The following BEND4 variants were observed in gnomAD, a reference collection of about 807,000 sequenced individuals.
BEND4 encodes BEN domain-containing protein 4.
A neutral mutation model predicts 54.7 loss-of-function variants in BEND4; 27 were observed. The observed-to-expected ratio is 0.49, with a 90% CI of 0.36 to 0.68. The LOEUF is 0.68. Ranked by LOEUF, BEND4 falls within the 30% of genes least tolerant of loss-of-function variation. BEND4 has a pLI of 0.00. For synonymous variants in BEND4, 327 were observed against 299.5 expected (o/e 1.09, Z -0.95); for missense variants, 702 against 697.2 (o/e 1.01, Z -0.08).
At chr4:42,134,862 T>C (rs996351716) in intron 3 of BEND4, among the ~76,000 whole-genome samples, 2 of 152,158 alleles carry the variant, frequency 1.3e-5, no homozygotes, top group African/African-American at 2.4e-5. Flanking sequence ...TGTTTGACTG[T>C]TCAGGGATTC....
intron 5 of BEND4, among the ~76,000 whole-genome samples, chr4:42,117,965 TA>T (rs2153144397): frequency 6.6e-6 from 1 of 151,922 alleles, no homozygotes; most frequent in Admixed American, 6.6e-5. Flanking sequence ...ATATAGAGGG[TA>T]ATCCCTCTAA....
intron 4 of BEND4, among the ~76,000 whole-genome samples, chr4:42,121,377 TCTC>T (rs916511051): frequency 6.6e-6 from 1 of 152,118 alleles, no homozygotes; most frequent in African/African-American, 2.4e-5. Context: ...GCATTCATAC[TCTC>T]CTCAACAAGC....
Position 42,146,248 on chromosome 4 carries a change from A to C in BEND4, c.488-2254T>G, listed in dbSNP as rs549107738. 4.6e-5 allele frequency among the ~76,000 whole-genome samples: 7 copies of C among 152,354 alleles called. No homozygotes were observed. In the East Asian group the frequency reaches 1.4e-3, roughly 29 times the overall value. ...ATGGTGTCAGATCCTGGAAGTGTGG[A>C]CTGGGACCTCCACATATGTGTATGT... On this transcript the variant is annotated intron_variant, in intron 2 of 5. Transcript: ENST00000502486.
At chr4:42,120,532 T>C (rs1720015543) in intron 4 of BEND4, among the ~76,000 whole-genome samples, 1 of 152,208 alleles carries the variant, frequency 6.6e-6, no homozygotes, top group Non-Finnish European at 1.5e-5. Flanking sequence ...AGGGGAGCTA[T>C]TTATAACTTA....
At chr4:42,121,326 A>T (rs1720051509) in intron 4 of BEND4, among the ~76,000 whole-genome samples, 1 of 152,206 alleles carries the variant, frequency 6.6e-6, no homozygotes, top group East Asian at 1.9e-4. Flanking sequence ...TGCGGCTAGG[A>T]AACCGGCACG....
intron 2 of BEND4, among the ~76,000 whole-genome samples, chr4:42,146,014 G>A (rs899639904): frequency 6.6e-6 from 1 of 152,276 alleles, no homozygotes; most frequent in South Asian, 2.1e-4. Flanking sequence ...GAGTCCACAG[G>A]ACTATTTTCT....
chr4:42,125,342 C>T (rs1286403227), intron 4 of BEND4, among the ~76,000 whole-genome samples: 5 of 152,160 alleles, frequency 3.3e-5, no homozygotes, highest in Non-Finnish European at 7.4e-5. Context: ...GGAAAAATTG[C>T]CCATGCTATT....
chr4:42,123,892 G>A (rs572845695), intron 4 of BEND4, among the ~76,000 whole-genome samples: 1 of 152,212 alleles, frequency 6.6e-6, no homozygotes, highest in East Asian at 1.9e-4. Context: ...GGCCTTTACT[G>A]AAAACAGGAG....
At chr4:42,126,962 T>A (rs1577752008) in intron 3 of BEND4, among the ~76,000 whole-genome samples, 1 of 152,358 alleles carries the variant, frequency 6.6e-6, no homozygotes, top group East Asian at 1.9e-4. Flanking sequence ...ATTTCTTAGC[T>A]GTGTGTTTTC....
At chr4:42,151,512 T>A (rs1721281179) in intron 2 of BEND4, 145 bp downstream of exon 2, 1 of 815,894 alleles carries the variant, frequency 1.2e-6, no homozygotes, top group Non-Finnish European at 1.7e-6. Flanking sequence ...AGTTTCCGGG[T>A]GCGCGGGGAG....
rs1431405060 is a variant in BEND4, at chr4:42,133,778, C to T, written c.1055-8104G>A. Among the ~76,000 whole-genome samples the T allele has an allele frequency of 3.9e-5, 6 of 152,162 alleles. 1 individual carries two copies. The highest frequency in any genetic ancestry group is 4.8e-5 in the African/African-American group (2 of 41,446). On this transcript the variant is annotated intron_variant, in intron 3 of 5. Coordinates refer to ENST00000502486, the MANE Select transcript of BEND4 (RefSeq NM_207406.4). ...GCTGAGGCAGGAGAATGGCATGACC[C>T]GGGAGGTGGAGCTTACAGTGAGCCG...
At chr4:42,144,573 TG>T (rs1280706531) in intron 2 of BEND4, among the ~76,000 whole-genome samples, 2 of 152,208 alleles carry the variant, frequency 1.3e-5, no homozygotes, top group Non-Finnish European at 2.9e-5. Context: ...AGCACAAAAC[TG>T]TATGTGTCTT....
At chr4:42,124,078 T>A (rs1720176582) in intron 4 of BEND4, among the ~76,000 whole-genome samples, 1 of 152,200 alleles carries the variant, frequency 6.6e-6, no homozygotes, top group Non-Finnish European at 1.5e-5. Flanking sequence ...GAAACATAAC[T>A]GGGCACAGGC....
intron 3 of BEND4, among the ~76,000 whole-genome samples, chr4:42,137,861 A>C (rs924329682): frequency 1.3e-5 from 2 of 152,342 alleles, no homozygotes; most frequent in Non-Finnish European, 2.9e-5. Flanking sequence ...ATCATTAATC[A>C]TCAGGGAAAT....
intron 3 of BEND4, among the ~76,000 whole-genome samples, chr4:42,137,698 GA>G (rs1454310841): frequency 2.6e-5 from 4 of 151,368 alleles, no homozygotes; most frequent in African/African-American, 9.7e-5. Context: ...TCTATGGTCT[GA>G]AAAAAAAATT....
rs148664347 is a variant in BEND4, at chr4:42,145,748, T to C, written c.488-1754A>G. 8.4e-3 allele frequency among the ~76,000 whole-genome samples: 1,271 copies of C among 150,426 alleles called. 58 individuals are homozygous for C. The highest frequency in any genetic ancestry group is 0.077 in the Admixed American group (1,169 of 15,162). ...CCCATATAGCACAGTGTTTGGCACA[T>C]AGGAAGCATGCCTTACATCTCCCAA... On this transcript the variant is annotated intron_variant, in intron 2 of 5. Transcript: ENST00000502486.
rs1719713409 is a variant in BEND4 at position 42,114,406 on chromosome 4, T to C, written c.*3112A>G. On this transcript the variant is annotated 3_prime_UTR_variant, in exon 6 of 6. Coordinates refer to ENST00000502486, the MANE Select transcript of BEND4 (RefSeq NM_207406.4). ...TAGTCACCGACAAAAAAGCCACATT[T>C]AGTCTTTGTTGTCAAGCCAGCCCCG... 6.6e-6 allele frequency: 1 copy of C among 152,218 alleles called. No individual in the cohort carries two copies. Among genetic ancestry groups the C allele is most frequent in the Non-Finnish European group, 1.5e-5 (1 of 68,060 alleles). 9.4% of individuals were successfully genotyped at this position (152,218 alleles called of 1,614,324 possible).
rs1343555765 is a variant in BEND4, at chr4:42,120,161, TC to T, written c.1279del (p.Glu427SerfsTer32). On this transcript the variant is annotated frameshift_variant, in exon 5 of 6. Coordinates refer to ENST00000502486, the MANE Select transcript of BEND4 (RefSeq NM_207406.4). LOFTEE classifies it high-confidence loss of function. ...YLIRFVFTTD[E>X]LKYSCGLGKR... ...CCCAAGGCCGCATGAGTACTTAAGCTCATCGGTTGTGAAAACAAATCTGATG... is the reference window on the plus strand; with the variant it reads ...CCCAAGGCCGCATGAGTACTTAAGCTATCGGTTGTGAAAACAAATCTGATG... 1 of 1,613,852 alleles carries T rather than the reference TC, an allele frequency of 6.2e-7. No homozygotes were observed. Among genetic ancestry groups the T allele is most frequent in the Non-Finnish European group, 8.5e-7 (1 of 1,179,892 alleles).
At position 42,117,235 on chromosome 4, in the gene BEND4, C is replaced by T; in HGVS notation, c.*283G>A. The T allele has an allele frequency of 3.6e-6, 1 of 278,126 alleles. No homozygotes were observed. Among genetic ancestry groups the T allele is most frequent in the Non-Finnish European group, 6.6e-6 (1 of 150,826 alleles). 17.2% of individuals were successfully genotyped at this position (278,126 alleles called of 1,614,324 possible). A position where few individuals can be genotyped will look rare whatever the true frequency, so the allele number is the denominator to read the frequency against. ...GAGTTTGAAGATTTCAGAAAGGTAA[C>T]TAGGAGCTCACCTATTTTTTCACCC... On this transcript the variant is annotated 3_prime_UTR_variant, in exon 6 of 6. Coordinates refer to ENST00000502486, the MANE Select transcript of BEND4 (RefSeq NM_207406.4).
Sources: allele counts gnomAD v4.1 joint callset (sites outside exome capture counted in the v4.1 genomes callset), GRCh38; gene constraint gnomAD v4.1.1; transcripts MANE v1.5; gene names NCBI Gene and HGNC (gene_info 2026-07-23, HGNC 2026-07-21).